AKAP6: variants seen among roughly 807,000 people sequenced by gnomAD.
The protein encoded by AKAP6 is A-kinase anchoring protein 6.
AKAP6 carries 58 observed loss-of-function variants against 188.5 expected under a neutral mutation model. The observed-to-expected ratio is 0.31, with a 90% confidence interval of 0.25 to 0.38. AKAP6 has a LOEUF of 0.38. Among genes scored for constraint, AKAP6 ranks in the 10% least tolerant of loss-of-function variants. AKAP6 has a pLI of 1.00. For missense variants in AKAP6, 2,710 were observed against 2,740.0 expected (o/e 0.99, Z 0.24); for synonymous variants, 989 against 998.6 (o/e 0.99, Z 0.18).
chr14:32,480,655 T>C (rs1021613786), intron 2 of AKAP6, among the ~76,000 whole-genome samples: 12 of 151,940 alleles, frequency 7.9e-5, no homozygotes, highest in African/African-American at 2.9e-4. Flanking sequence ...TCATTTATCA[T>C]TTATTTGAAT....
At chr14:32,613,147 G>A (rs537953361) in intron 7 of AKAP6, among the ~76,000 whole-genome samples, 11 of 152,276 alleles carry the variant, frequency 7.2e-5, no homozygotes, top group Non-Finnish European at 1.6e-4. Flanking sequence ...GACCTGGGTC[G>A]CTTTTCTGGA....
chr14:32,337,694 G>A (rs1210874868), intron 1 of AKAP6, among the ~76,000 whole-genome samples: 2 of 151,706 alleles, frequency 1.3e-5, no homozygotes, highest in East Asian at 1.9e-4. Flanking sequence ...TTAGCATTAG[G>A]TATATCTCCT....
intron 8 of AKAP6, among the ~76,000 whole-genome samples, chr14:32,694,255 G>A (rs1307755932): frequency 6.6e-6 from 1 of 152,016 alleles, no homozygotes; most frequent in Non-Finnish European, 1.5e-5. Context: ...CAGCTACTCG[G>A]GAGGCTGAGG....
intron 7 of AKAP6, chr14:32,628,158 A>G (rs1887103843): frequency 6.6e-6 from 1 of 152,098 alleles, no homozygotes. Context: ...ACTGCTAAAT[A>G]ATTGACTGTG....
intron 3 of AKAP6, among the ~76,000 whole-genome samples, chr14:32,536,490 T>A (rs931855826): frequency 6.6e-6 from 1 of 152,086 alleles, no homozygotes; most frequent in Non-Finnish European, 1.5e-5. Flanking sequence ...TAAGCTGAGG[T>A]CAGATCATGA....
At chr14:32,496,443 G>A (rs916552260) in intron 2 of AKAP6, among the ~76,000 whole-genome samples, 1 of 151,980 alleles carries the variant, frequency 6.6e-6, no homozygotes, top group East Asian at 1.9e-4. Context: ...ATGATCACAT[G>A]AAGCCCTTGG....
At chr14:32,763,132 A>G (rs2032595555) in intron 11 of AKAP6, among the ~76,000 whole-genome samples, 1 of 152,018 alleles carries the variant, frequency 6.6e-6, no homozygotes, top group East Asian at 1.9e-4. Flanking sequence ...TGGTGAACCA[A>G]CTCAGGAAGC....
intron 1 of AKAP6, among the ~76,000 whole-genome samples, chr14:32,373,719 T>A (rs1055779140): frequency 2.0e-5 from 3 of 152,192 alleles, no homozygotes; most frequent in African/African-American, 7.2e-5. Flanking sequence ...CAAGGACAGC[T>A]TGGAGATTAG....
At chr14:32,748,635 T>C (rs1266685327) in intron 11 of AKAP6, among the ~76,000 whole-genome samples, 1 of 152,194 alleles carries the variant, frequency 6.6e-6, no homozygotes, top group Non-Finnish European at 1.5e-5. Context: ...ACCTGCTTAC[T>C]ACCTAGATAA....
intron 12 of AKAP6, among the ~76,000 whole-genome samples, chr14:32,815,421 C>G (rs1461566757): frequency 6.6e-6 from 1 of 152,170 alleles, no homozygotes; most frequent in Non-Finnish European, 1.5e-5. Context: ...GAATTTCAGA[C>G]AATGGACTTG....
At chr14:32,785,720 G>T (rs2033380526) in intron 12 of AKAP6, among the ~76,000 whole-genome samples, 1 of 98,096 alleles carries the variant, frequency 1.0e-5, no homozygotes, top group South Asian at 3.2e-4. Context: ...GTCTTTGAAA[G>T]ATCTTGTACA....
chr14:32,594,480 T>A (rs983751883), intron 5 of AKAP6, among the ~76,000 whole-genome samples: 2 of 152,216 alleles, frequency 1.3e-5, no homozygotes, highest in Non-Finnish European at 2.9e-5. Context: ...TGCTTACTCA[T>A]AGAAATCTTC....
chr14:32,379,212 G>A (rs187097349), intron 1 of AKAP6, among the ~76,000 whole-genome samples: 34 of 152,192 alleles, frequency 2.2e-4, no homozygotes, highest in African/African-American at 6.5e-4. Flanking sequence ...GAGCCACTGC[G>A]CCCAGCCATG....
intron 1 of AKAP6, among the ~76,000 whole-genome samples, chr14:32,367,548 ATATC>A: frequency 6.6e-6 from 1 of 152,254 alleles, no homozygotes; most frequent in South Asian, 2.1e-4. Context: ...ACTGATTTCA[ATATC>A]TATTTGTACA....
At position 32,823,866 on chromosome 14, in the gene AKAP6, G is replaced by C; in HGVS notation, c.6053G>C (p.Cys2018Ser). 6.2e-7 allele frequency: 1 copy of C among 1,613,716 alleles called. No individual in the cohort carries two copies. Among genetic ancestry groups the C allele is most frequent in the Non-Finnish European group, 8.5e-7 (1 of 1,179,928 alleles). The change falls in exon 13 of 14, where the codon TGT (cysteine) becomes TCT (serine). Residue 2018 changes from cysteine to serine, a missense_variant. This residue lies in a region of AKAP6 where 2,473 missense variants were observed against 2,426.1 expected (regional missense o/e 1.02). Coordinates refer to ENST00000280979, the MANE Select transcript of AKAP6 (RefSeq NM_004274.5). ...APSMAGKSAG[C>S]CLALEQNGTE... ...AGTATGGCTGGAAAATCTGCTGGTT[G>C]TTGCCTAGCACTTGAACAAAACGGA...
At chr14:32,617,059 G>A (rs2139404120) in intron 7 of AKAP6, 1 of 152,434 alleles carries the variant, frequency 6.6e-6, no homozygotes, top group Non-Finnish European at 1.5e-5. Flanking sequence ...CTTACTGTCG[G>A]TGCCTCTCCT....
intron 12 of AKAP6, among the ~76,000 whole-genome samples, chr14:32,805,480 C>T (rs374888204): frequency 1.8e-4 from 28 of 152,068 alleles, no homozygotes; most frequent in East Asian, 3.9e-4. Flanking sequence ...TTGCCTTCTG[C>T]GGTGAGCAAC....
intron 11 of AKAP6, among the ~76,000 whole-genome samples, chr14:32,764,157 C>T (rs2032630824): frequency 1.3e-5 from 2 of 152,144 alleles, no homozygotes; most frequent in South Asian, 4.2e-4. Flanking sequence ...AGAGATTACT[C>T]CCACTGTCCC....
rs1456264166 is a variant in AKAP6, at chr14:32,833,933, C to T, written c.*4128C>T. On this transcript the variant is annotated 3_prime_UTR_variant, in exon 14 of 14. Transcript: ENST00000280979. The stretch of plus-strand genomic sequence containing the variant: ...TCAGGTTCATTTATTGTTAATATTT[C>T]ACCATATTTACTTCATCTCTGTATA... 2 of 152,128 alleles carry T rather than the reference C, an allele frequency of 1.3e-5. No individual in the cohort carries two copies. Among genetic ancestry groups the T allele is most frequent in the South Asian group, 2.1e-4 (1 of 4,834 alleles). The allele number at this position is 152,128 out of a possible 1,614,324, so 9.4% of individuals were successfully genotyped here. A position where few individuals can be genotyped will look rare whatever the true frequency, so the allele number is the denominator to read the frequency against.
Sources: gnomAD v4.1 joint callset for allele counts (sites outside exome capture counted in the v4.1 genomes callset) on GRCh38, gnomAD v4.1.1 for gene constraint, gnomAD v4.1.1 regional missense constraint, MANE v1.5 for transcripts, NCBI Gene and HGNC (gene_info 2026-07-23, HGNC 2026-07-21) for gene names.